TRPC1: variants seen among roughly 807,000 people sequenced by gnomAD.
The protein encoded by TRPC1 is transient receptor potential cation channel subfamily C member 1.
A neutral mutation model predicts 88.2 loss-of-function variants in TRPC1; 42 were observed. The observed-to-expected ratio is 0.48, with a 90% CI of 0.37 to 0.62. The LOEUF is 0.62. TRPC1 is among the 20% of genes least tolerant of loss of function. The pLI, the probability that TRPC1 is intolerant of heterozygous loss-of-function variation, is 0.00. For synonymous variants in TRPC1, 288 were observed against 331.8 expected (o/e 0.87, Z 1.43); for missense variants, 699 against 957.3 (o/e 0.73, Z 3.56).
chr3:142,806,090 T>C lies in TRPC1; in HGVS notation c.2237T>C (p.Met746Thr). ...CTAGTGCATCGTTACTTGACTTCCA[T>C]GAGACAGAAGATGCAAAGTACAGAT... ...CCLVHRYLTS[M>T]RQKMQSTDQA... Residue 746 changes from methionine to threonine, a missense_variant, in exon 13 of 13, where the codon ATG (methionine) becomes ACG (threonine). Physicochemically the swap from Met to Thr is moderately conservative, Grantham distance 81. Transcript: ENST00000476941. 6.2e-7 allele frequency: 1 copy of C among 1,613,938 alleles called. No homozygotes were observed.
chr3:142,804,753 C>T lies in TRPC1; in HGVS notation c.2154+123C>T, dbSNP rs560692363. ...GTGACTGTCTGACTTTTTTTCACTG[C>T]TATATACCCTAATGTACGGCATCGC... is the stretch of plus-strand genomic sequence containing the variant. On this transcript the variant is annotated intron_variant, in intron 12 of 12. Coordinates refer to ENST00000476941, the MANE Select transcript of TRPC1 (RefSeq NM_001251845.2). 5.2e-6 allele frequency: 4 copies of T among 773,884 alleles called. No individual in the cohort carries two copies. In the South Asian group the frequency reaches 8.3e-5, roughly 16 times the overall value. The allele number at this position is 773,884 out of a possible 1,614,324, so 47.9% of individuals were successfully genotyped here.
At position 142,776,181 on chromosome 3, in the gene TRPC1, C is replaced by T. The variant is rs1184989846; in HGVS notation, c.633-1451C>T. Among the ~76,000 whole-genome samples, 1 of 152,012 alleles carries T rather than the reference C, an allele frequency of 6.6e-6. No homozygotes were observed. Among genetic ancestry groups the T allele is most frequent in the Middle Eastern group, 3.2e-3 (1 of 316 alleles). On this transcript the variant is annotated intron_variant, in intron 4 of 12. Transcript: ENST00000476941. This position sits in a 1 kb window ranked among gnomAD's most constrained non-coding sequence, Gnocchi z 4.1. ...AAAGCAAGCTGTTCCTTTATTATGTCTGATTATGTTCGTGTGTGAGTAGAA... is the reference window on the plus strand; with the variant it reads ...AAAGCAAGCTGTTCCTTTATTATGTTTGATTATGTTCGTGTGTGAGTAGAA...
At chr3:142,728,615 C>T (rs2108005993) in intron 1 of TRPC1, among the ~76,000 whole-genome samples, 2 of 152,314 alleles carry the variant, frequency 1.3e-5, no homozygotes, top group East Asian at 3.9e-4. Flanking sequence ...GCCACCGTGC[C>T]TGGCCTGATG....
At chr3:142,733,319 CT>C (rs1296705951) in intron 1 of TRPC1, among the ~76,000 whole-genome samples, 7 of 152,124 alleles carry the variant, frequency 4.6e-5, no homozygotes, top group African/African-American at 1.7e-4. Context: ...CGAGACCAGG[CT>C]AGCCAACATG....
At chr3:142,777,553 T>G in intron 4 of TRPC1, 79 bp from the exon 5 acceptor site, 1 of 924,300 alleles carries the variant, frequency 1.1e-6, no homozygotes, top group Non-Finnish European at 1.5e-6. Flanking sequence ...TAAGTATACA[T>G]TTATGAAAAT....
At position 142,724,287 on chromosome 3, in the gene TRPC1, G is replaced by C; in HGVS notation, c.-273G>C. ...CACACTGTCGTCCCCGGACGGGCGC[G>C]GACCGGCTCGGCCGGGGCGCCGGCG... is the stretch of plus-strand genomic sequence containing the variant. On this transcript the variant is annotated 5_prime_UTR_variant, in exon 1 of 13. Transcript: ENST00000476941. The surrounding 1 kb of genome is among the most constrained non-coding windows in gnomAD (Gnocchi z 5.6). The C allele has an allele frequency of 9.7e-6, 2 of 205,478 alleles. No homozygotes were observed. The highest frequency in any genetic ancestry group is 1.9e-5 in the Non-Finnish European group (2 of 103,186). The allele number at this position is 205,478 out of a possible 1,614,324, so 12.7% of individuals were successfully genotyped here. A position where few individuals can be genotyped will look rare whatever the true frequency, so the allele number is the denominator to read the frequency against.
In TRPC1 at chr3:142,806,833, T is replaced by C. The variant is rs912973937; in HGVS notation, c.*598T>C. ...TTAAATTCACTTCAGTTTTTGTTATTGTAATATATTTACTTTTACATGGTT... is the reference window on the plus strand; with the variant it reads ...TTAAATTCACTTCAGTTTTTGTTATCGTAATATATTTACTTTTACATGGTT... On this transcript the variant is annotated 3_prime_UTR_variant, in exon 13 of 13. Transcript: ENST00000476941. 1.3e-5 allele frequency: 2 copies of C among 152,080 alleles called. No homozygotes were observed. The highest frequency in any genetic ancestry group is 2.9e-5 in the Non-Finnish European group (2 of 67,992). The allele number at this position is 152,080 out of a possible 1,614,324, so 9.4% of individuals were successfully genotyped here. A position where few individuals can be genotyped will look rare whatever the true frequency, so the allele number is the denominator to read the frequency against.
chr3:142,790,987 G>C (rs1345893946), intron 7 of TRPC1, 32 bp from the exon 8 acceptor site: 1 of 1,519,370 alleles, frequency 6.6e-7, no homozygotes, highest in African/African-American at 1.4e-5. Context: ...AATTAAGAAA[G>C]TGTTATCTGA....
intron 4 of TRPC1, among the ~76,000 whole-genome samples, chr3:142,777,175 G>A (rs1041988119): frequency 6.6e-6 from 1 of 152,034 alleles, no homozygotes; most frequent in Non-Finnish European, 1.5e-5. Context: ...GCCTGGTGTA[G>A]TGGCATGCAC....
chr3:142,802,207 T>A lies in TRPC1; in HGVS notation c.1620T>A (p.Phe540Leu). The A allele has an allele frequency of 6.3e-7, 1 of 1,592,654 alleles. No individual in the cohort carries two copies. The highest frequency in any genetic ancestry group is 8.5e-7 in the Non-Finnish European group (1 of 1,171,966). Residue 540 changes from phenylalanine (F) to leucine (L), a missense_variant, in exon 10 of 13, where the codon TTT (phenylalanine) becomes TTA (leucine). Transcript: ENST00000476941. Reference sequence around the variant, plus strand: ...AGATGTTACAAGATTTTGGAAAATTTCTTGGGATGTTTCTTCTTGTTTTGT... The same window carrying A: ...AGATGTTACAAGATTTTGGAAAATTACTTGGGATGTTTCTTCTTGTTTTGT... ...MGQMLQDFGK[F>L]LGMFLLVLFS...
At chr3:142,750,069 A>G (rs953065290) in intron 4 of TRPC1, among the ~76,000 whole-genome samples, 38 of 152,220 alleles carry the variant, frequency 2.5e-4, no homozygotes, top group Non-Finnish European at 5.3e-4. Flanking sequence ...AAAATTGACA[A>G]ATGGGATCTA....
In TRPC1 at chr3:142,782,830, G is replaced by A. The variant is rs1350170461; in HGVS notation, c.960+1801G>A. 2.0e-5 allele frequency among the ~76,000 whole-genome samples: 3 copies of A among 152,290 alleles called. No homozygotes were observed. In the East Asian group the frequency reaches 5.8e-4, roughly 29 times the overall value. The stretch of plus-strand genomic sequence containing the variant: ...GAGAAGCCTCTGCGGGCTGGCTGGG[G>A]TACATACATGTGACCTCTGTGTGCA... On this transcript the variant is annotated intron_variant, in intron 6 of 12. Transcript: ENST00000476941.
chr3:142,790,896 G>GTTT (rs61563090), intron 7 of TRPC1, 123 bp from the exon 8 acceptor site: 21 of 839,946 alleles, frequency 2.5e-5, no homozygotes, highest in African/African-American at 1.6e-4. Flanking sequence ...TTTTGGTTTT[G>GTTT]TTTTTTTTTC....
chr3:142,785,010 A>G lies in TRPC1; in HGVS notation c.1267A>G (p.Ile423Val), dbSNP rs1936086868. 1.9e-6 allele frequency: 3 copies of G among 1,611,536 alleles called. No homozygotes were observed. The highest frequency in any genetic ancestry group is 3.3e-4 in the Middle Eastern group (2 of 6,046). ...CACAATGGGGCCAGCCCTTGAAAGA[A>G]TAGACTATCTTCTTATTCTGTGGAT... The part of the protein sequence containing the change: ...KNTMGPALER[I>V]DYLLILWIIG... The change falls in exon 7 of 13, where the codon ATA (isoleucine) becomes GTA (valine). Residue 423 changes from isoleucine to valine, a missense_variant. Ile to Val is a conservative substitution (Grantham distance 29). Transcript: ENST00000476941.
At chr3:142,784,519 C>T (rs958490191) in intron 6 of TRPC1, among the ~76,000 whole-genome samples, 185 bp from the exon 7 acceptor site, 4 of 152,098 alleles carry the variant, frequency 2.6e-5, no homozygotes, top group Non-Finnish European at 5.9e-5. Context: ...AATCTGGCTC[C>T]ATAGTCTATC....
intron 2 of TRPC1, among the ~76,000 whole-genome samples, chr3:142,740,166 G>C (rs929285932): frequency 2.6e-5 from 4 of 152,196 alleles, no homozygotes; most frequent in Non-Finnish European, 5.9e-5. Flanking sequence ...GTGCCAAAAA[G>C]GTTGGAGACC....
chr3:142,755,602 A>G (rs996939782), intron 4 of TRPC1, among the ~76,000 whole-genome samples: 3 of 151,838 alleles, frequency 2.0e-5, no homozygotes, highest in Non-Finnish European at 4.4e-5. Flanking sequence ...TGCCTCATTT[A>G]CTCCAGTTCT....
At chr3:142,773,884 T>G (rs1935667996) in intron 4 of TRPC1, among the ~76,000 whole-genome samples, 2 of 151,628 alleles carry the variant, frequency 1.3e-5, no homozygotes. Context: ...TTTGTTTGTT[T>G]GAAAACTGGA....
intron 4 of TRPC1, among the ~76,000 whole-genome samples, chr3:142,754,089 C>CAAAAAAAAAAAAA: frequency 1.2e-5 from 1 of 86,154 alleles, no homozygotes; most frequent in Non-Finnish European, 2.3e-5. Flanking sequence ...GACTCCGTCT[C>CAAAAAAAAAAAAA]AAAAAAAAAA....
Sources: allele counts gnomAD v4.1 joint callset (sites outside exome capture counted in the v4.1 genomes callset), GRCh38; gene constraint gnomAD v4.1.1; non-coding constraint Gnocchi (gnomAD v3.1); transcripts MANE v1.5; gene names NCBI Gene and HGNC (gene_info 2026-07-23, HGNC 2026-07-21).